The following SCMH1 variants were observed in gnomAD, a reference collection of about 807,000 sequenced individuals.
SCMH1 encodes the protein polycomb protein SCMH1.
A neutral mutation model predicts 70.8 loss-of-function variants in SCMH1; 37 were observed. That is an observed-to-expected ratio of 0.52 (90% CI 0.40 to 0.69). The LOEUF (loss-of-function observed/expected upper bound fraction) is 0.69. Among genes scored for constraint, SCMH1 ranks in the 30% least tolerant of loss-of-function variants. SCMH1 has a pLI of 0.00. For missense variants in SCMH1, 607 were observed against 827.3 expected, an observed-to-expected ratio of 0.73 and a Z score of 3.27; for synonymous variants, 292 against 307.4, an observed-to-expected ratio of 0.95 and a Z score of 0.52.
At chr1:41,069,436 T>C (rs1488514552) in intron 10 of SCMH1, among the ~76,000 whole-genome samples, 1 of 152,224 alleles carries the variant, frequency 6.6e-6, no homozygotes, top group East Asian at 1.9e-4. Context: ...GACAGGGGGA[T>C]ACGAGGTATG....
intron 1 of SCMH1, among the ~76,000 whole-genome samples, chr1:41,194,028 T>C (rs7535877): frequency 2.0e-5 from 3 of 152,208 alleles, no homozygotes; most frequent in Non-Finnish European, 4.4e-5. Context: ...GGTTAAGACT[T>C]AGAGGCAAAA....
intron 1 of SCMH1, among the ~76,000 whole-genome samples, chr1:41,222,693 T>C (rs993181146): frequency 6.6e-6 from 1 of 151,958 alleles, no homozygotes; most frequent in African/African-American, 2.4e-5. Flanking sequence ...AACAACTAGG[T>C]TGGTGGGTTT....
At chr1:41,239,262 G>A (rs908669543) in intron 1 of SCMH1, among the ~76,000 whole-genome samples, 36 of 152,044 alleles carry the variant, frequency 2.4e-4, no homozygotes, top group African/African-American at 3.1e-4. Flanking sequence ...GGTTCTCTAC[G>A]CAAGCCATTC....
chr1:41,229,943 T>A (rs565683158), intron 1 of SCMH1, among the ~76,000 whole-genome samples: 1 of 152,178 alleles, frequency 6.6e-6, no homozygotes, highest in African/African-American at 2.4e-5. Flanking sequence ...CCCAGGCAGA[T>A]GAAACAGTAT....
At chr1:41,229,437 G>T (rs931241436) in intron 1 of SCMH1, among the ~76,000 whole-genome samples, 1 of 152,178 alleles carries the variant, frequency 6.6e-6, no homozygotes, top group South Asian at 2.1e-4. Flanking sequence ...CATGCCCTTT[G>T]TAGGGACATG....
chr1:41,232,252 T>G (rs1045988901), intron 1 of SCMH1, among the ~76,000 whole-genome samples: 1 of 152,104 alleles, frequency 6.6e-6, no homozygotes, highest in Non-Finnish European at 1.5e-5. Flanking sequence ...AAACCAAAGG[T>G]TGAAGGGGTA....
chr1:41,220,429 A>G (rs545060045), intron 1 of SCMH1, among the ~76,000 whole-genome samples: 50 of 152,362 alleles, frequency 3.3e-4, no homozygotes, highest in African/African-American at 1.1e-3. Flanking sequence ...TACAGCCAAC[A>G]TATTTAGTGC....
chr1:41,056,455 AT>A (rs34991027), intron 10 of SCMH1, among the ~76,000 whole-genome samples: 1,844 of 147,270 alleles, frequency 0.013, 15 homozygotes, highest in Middle Eastern at 0.024. Context: ...GTATACTGTC[AT>A]TTTTTTTTTT....
chr1:41,117,396 C>T (rs1241744966), intron 6 of SCMH1, among the ~76,000 whole-genome samples: 3 of 152,170 alleles, frequency 2.0e-5, no homozygotes, highest in Non-Finnish European at 2.9e-5. Context: ...CTAGCGGTAA[C>T]ACCAGCGTCT....
intron 2 of SCMH1, among the ~76,000 whole-genome samples, chr1:41,181,233 C>A (rs1324829274): frequency 5.9e-5 from 9 of 152,132 alleles, no homozygotes; most frequent in East Asian, 3.9e-4. Flanking sequence ...TAGACCTAAA[C>A]CCATAAAAAC....
chr1:41,180,077 T>C (rs2148590536), intron 2 of SCMH1, among the ~76,000 whole-genome samples: 1 of 152,290 alleles, frequency 6.6e-6, no homozygotes, highest in Non-Finnish European at 1.5e-5. Context: ...AATCAATAAA[T>C]GTAATCCAGC....
chr1:41,056,539 G>A (rs1650375155), intron 10 of SCMH1, among the ~76,000 whole-genome samples: 1 of 151,990 alleles, frequency 6.6e-6, no homozygotes, highest in Admixed American at 6.6e-5. Context: ...TAAGGAGTTT[G>A]GAAGTTGCCA....
intron 7 of SCMH1, among the ~76,000 whole-genome samples, chr1:41,115,555 G>A (rs1251801052): frequency 2.6e-5 from 4 of 151,988 alleles, no homozygotes; most frequent in South Asian, 2.1e-4. Flanking sequence ...CTTCCACCTC[G>A]GTCTCCCAAG....
At chr1:41,225,636 A>T (rs1289108079) in intron 1 of SCMH1, among the ~76,000 whole-genome samples, 2 of 152,234 alleles carry the variant, frequency 1.3e-5, no homozygotes, top group Non-Finnish European at 2.9e-5. Flanking sequence ...TTCAATCAGA[A>T]CTTGGAGAAT....
intron 8 of SCMH1, among the ~76,000 whole-genome samples, chr1:41,105,929 C>T (rs2147768198): frequency 6.6e-6 from 1 of 150,970 alleles, no homozygotes; most frequent in South Asian, 2.1e-4. Context: ...GGCTGGAGTG[C>T]AGTGGCACGA....
At chr1:41,212,797 T>C (rs947966878) in intron 1 of SCMH1, among the ~76,000 whole-genome samples, 1 of 152,218 alleles carries the variant, frequency 6.6e-6, no homozygotes, top group African/African-American at 2.4e-5. Context: ...GCACAAAATA[T>C]GCAGCATCAT....
chr1:41,207,115 T>C (rs954089383), intron 1 of SCMH1, among the ~76,000 whole-genome samples: 7 of 152,188 alleles, frequency 4.6e-5, no homozygotes, highest in Non-Finnish European at 1.0e-4. Context: ...ATCGATGTTA[T>C]GAAGAAACTG....
At chr1:41,080,248 C>T (rs1170019958) in intron 8 of SCMH1, among the ~76,000 whole-genome samples, 1 of 152,000 alleles carries the variant, frequency 6.6e-6, no homozygotes, top group African/African-American at 2.4e-5. Flanking sequence ...AATCTTTCCA[C>T]AAAGAAAATC....
intron 12 of SCMH1, among the ~76,000 whole-genome samples, chr1:41,041,127 T>G (rs942584573): frequency 6.6e-6 from 1 of 151,840 alleles, no homozygotes; most frequent in Admixed American, 6.6e-5. Context: ...GTGAACTGAG[T>G]GACCAAGGAA....
Sources: gnomAD v4.1 joint callset for allele counts (sites outside exome capture counted in the v4.1 genomes callset) on GRCh38, gnomAD v4.1.1 for gene constraint, MANE v1.5 for transcripts, NCBI Gene and HGNC (gene_info 2026-07-23, HGNC 2026-07-21) for gene names.